SOX5: variants seen among roughly 807,000 people sequenced by gnomAD.
SOX5 encodes transcription factor SOX-5.
SOX5 carries 9 observed loss-of-function variants against 92.0 expected under a neutral mutation model. The observed-to-expected ratio is 0.10, with a 90% CI of 0.06 to 0.17. The LOEUF is 0.17. Among genes scored for constraint, SOX5 ranks in the 10% least tolerant of loss-of-function variants. The pLI is 1.00. For synonymous variants in SOX5, 344 were observed against 336.3 expected (o/e 1.02, Z -0.25); for missense variants, 642 against 944.5 (o/e 0.68, Z 4.20).
chr12:23,710,775 C>A (rs577587794), intron 6 of SOX5, among the ~76,000 whole-genome samples: 2 of 152,244 alleles, frequency 1.3e-5, no homozygotes, highest in East Asian at 3.9e-4. Context: ...ATGGCTGGGT[C>A]AAATGGTATT....
chr12:23,553,306 G>A (rs1944543833), intron 11 of SOX5, among the ~76,000 whole-genome samples: 1 of 151,906 alleles, frequency 6.6e-6, no homozygotes, highest in South Asian at 2.1e-4. Context: ...ACACTTACAC[G>A]TCCCCATTCA....
At chr12:24,509,704 C>A (rs75382895) in intron 1 of SOX5, among the ~76,000 whole-genome samples, 3 of 152,184 alleles carry the variant, frequency 2.0e-5, no homozygotes, top group African/African-American at 7.2e-5. Flanking sequence ...CATTAGCAAG[C>A]TATAAAAAGG....
intron 1 of SOX5, among the ~76,000 whole-genome samples, chr12:24,552,630 C>A (rs138997793): frequency 6.6e-6 from 1 of 152,182 alleles, no homozygotes; most frequent in African/African-American, 2.4e-5. Flanking sequence ...ATATGCAACA[C>A]GCATCTGTGT....
chr12:23,892,111 GTAAA>G (rs2097135305), intron 2 of SOX5, among the ~76,000 whole-genome samples: 2 of 151,972 alleles, frequency 1.3e-5, no homozygotes, highest in Non-Finnish European at 2.9e-5. Flanking sequence ...AGGCAGACAT[GTAAA>G]TAAATAAATT....
intron 3 of SOX5, among the ~76,000 whole-genome samples, chr12:24,271,824 C>T (rs1943781115): frequency 1.3e-5 from 2 of 152,182 alleles, no homozygotes; most frequent in African/African-American, 4.8e-5. Flanking sequence ...GCCTACTTGT[C>T]TATCCATGCA....
At chr12:24,177,455 G>A (rs767223215) in intron 4 of SOX5, among the ~76,000 whole-genome samples, 1 of 152,148 alleles carries the variant, frequency 6.6e-6, no homozygotes, top group African/African-American at 2.4e-5. Context: ...TGTCTAAACA[G>A]AAAATCATAG....
intron 4 of SOX5, among the ~76,000 whole-genome samples, chr12:24,006,165 C>T (rs917761244): frequency 9.2e-5 from 14 of 152,234 alleles, no homozygotes; most frequent in Middle Eastern, 3.4e-3. Flanking sequence ...CCAGTGGTCA[C>T]TCTTATGCAC....
intron 2 of SOX5, among the ~76,000 whole-genome samples, chr12:24,336,073 GTTTT>G (rs1236831658): frequency 7.1e-6 from 1 of 141,712 alleles, no homozygotes; most frequent in Non-Finnish European, 1.5e-5. Flanking sequence ...ATGGGGATAC[GTTTT>G]TTTTGTGTGT....
intron 6 of SOX5, among the ~76,000 whole-genome samples, chr12:23,710,740 G>A (rs939079547): frequency 2.0e-5 from 3 of 152,050 alleles, no homozygotes; most frequent in African/African-American, 2.4e-5. Flanking sequence ...ATTTATAATC[G>A]TTTGGGTATA....
chr12:24,458,377 T>C (rs981998178), intron 1 of SOX5, among the ~76,000 whole-genome samples: 1 of 152,180 alleles, frequency 6.6e-6, no homozygotes, highest in Non-Finnish European at 1.5e-5. Context: ...CTTTTAAAAA[T>C]ATTATTTATG....
chr12:23,841,247 T>C (rs2096510759), intron 3 of SOX5, among the ~76,000 whole-genome samples: 1 of 151,946 alleles, frequency 6.6e-6, no homozygotes, highest in African/African-American at 2.4e-5. Flanking sequence ...GACTACAAAT[T>C]AAAACAAGGA....
At chr12:24,034,624 T>A (rs2136912425) in intron 4 of SOX5, among the ~76,000 whole-genome samples, 1 of 150,814 alleles carries the variant, frequency 6.6e-6, no homozygotes, top group South Asian at 2.1e-4. Flanking sequence ...TTCCTCCAAA[T>A]CAGTATTTTA....
intron 1 of SOX5, among the ~76,000 whole-genome samples, chr12:24,554,188 G>C (rs746958449): frequency 4.6e-5 from 7 of 152,174 alleles, no homozygotes; most frequent in Non-Finnish European, 8.8e-5. Flanking sequence ...GCTCTTAGTA[G>C]TCCTGAATTA....
At chr12:24,450,140 A>AATTTATGAAATTCAC (rs1165131845) in intron 1 of SOX5, among the ~76,000 whole-genome samples, 14 of 152,188 alleles carry the variant, frequency 9.2e-5, no homozygotes, top group Non-Finnish European at 1.8e-4. Context: ...GACTTGAGAT[A>AATTTATGAAATTCAC]ATTTATGAAA....
intron 14 of SOX5, among the ~76,000 whole-genome samples, 182 bp from the exon 15 acceptor site, chr12:23,534,704 C>CTTTTTTTTTTT (rs60460683): frequency 2.2e-4 from 24 of 108,830 alleles, no homozygotes; most frequent in South Asian, 3.1e-4. Context: ...CTTTTCTTTT[C>CTTTTTTTTTTT]TTTTTTTTTT....
chr12:23,865,435 G>A (rs1038731051), intron 2 of SOX5, among the ~76,000 whole-genome samples: 16 of 152,172 alleles, frequency 1.1e-4, no homozygotes, highest in African/African-American at 3.6e-4. Flanking sequence ...CAGCACTTTG[G>A]GAGGCTGAGG....
intron 6 of SOX5, among the ~76,000 whole-genome samples, chr12:23,681,488 T>C (rs908360212): frequency 1.3e-5 from 2 of 151,748 alleles, no homozygotes; most frequent in Non-Finnish European, 3.0e-5. Flanking sequence ...AATCCAGCTA[T>C]AGTTTACAAG....
rs1948221645 is a variant in SOX5, at chr12:23,570,933, ATATATATATATATATATATATAT to A, written c.1342+4705_1342+4727del. 3.0e-3 allele frequency among the ~76,000 whole-genome samples: 25 copies of A among 8,226 alleles called. 3 individuals carry two copies. The East Asian group carries it at 0.03, about 10-fold the overall frequency. The allele number at this position is 8,226 out of a possible 152,430, so 5.4% of individuals were successfully genotyped here. On this transcript the variant is annotated intron_variant, in intron 10 of 14. Transcript: ENST00000451604. ...CTCAAAAAAAAAAAAAAAAAAAAATATATATATATATATATATATATATATATATATATATATATATATATATA... is the reference window on the plus strand; with the variant it reads ...CTCAAAAAAAAAAAAAAAAAAAAATAATATATATATATATATATATATATA...
At chr12:23,885,635 T>C (rs1365416732) in intron 2 of SOX5, among the ~76,000 whole-genome samples, 1 of 152,208 alleles carries the variant, frequency 6.6e-6, no homozygotes, top group Non-Finnish European at 1.5e-5. Flanking sequence ...TGGCCAAGGC[T>C]GCTCTCCTTA....
Sources: gnomAD v4.1 joint callset for allele counts (sites outside exome capture counted in the v4.1 genomes callset) on GRCh38, gnomAD v4.1.1 for gene constraint, MANE v1.5 for transcripts, NCBI Gene and HGNC (gene_info 2026-07-23, HGNC 2026-07-21) for gene names.